Variants in PTPN1 observed in about 807,000 individuals in gnomAD.
PTPN1 encodes tyrosine-protein phosphatase non-receptor type 1.
PTPN1 carries 12 observed loss-of-function variants against 59.9 expected under a neutral mutation model. The observed-to-expected ratio is 0.20, with a 90% CI of 0.13 to 0.32. The LOEUF (loss-of-function observed/expected upper bound fraction) is 0.32. Ranked by LOEUF, PTPN1 falls within the 10% of genes least tolerant of loss-of-function variation. The probability of loss-of-function intolerance (pLI) is 1.00; values close to 1 mark genes in which losing one functional copy is unlikely to be tolerated. For missense variants in PTPN1, 356 were observed against 549.2 expected (o/e 0.65, Z 3.52); for synonymous variants, 178 against 203.6 (o/e 0.87, Z 1.07).
At chr20:50,547,635 T>G (rs2082681655) in intron 1 of PTPN1, among the ~76,000 whole-genome samples, 1 of 152,220 alleles carries the variant, frequency 6.6e-6, no homozygotes, top group African/African-American at 2.4e-5. Context: ...GTGCTGGGAT[T>G]ACAGGCGTGA....
chr20:50,566,610 A>G (rs1318116774), intron 3 of PTPN1, among the ~76,000 whole-genome samples: 1 of 149,676 alleles, frequency 6.7e-6, no homozygotes, highest in Non-Finnish European at 1.5e-5. Flanking sequence ...CACCCTTCCC[A>G]TTTTTTTTTC....
At position 50,568,081 on chromosome 20, in the gene PTPN1, C is replaced by T. The variant is rs1045723827; in HGVS notation, c.256-299C>T. 1.3e-5 allele frequency among the ~76,000 whole-genome samples: 2 copies of T among 152,366 alleles called. No individual in the cohort carries two copies. Among genetic ancestry groups the T allele is most frequent in the Non-Finnish European group, 2.9e-5 (2 of 68,036 alleles). On this transcript the variant is annotated intron_variant, in intron 3 of 9. Coordinates refer to ENST00000371621, the MANE Select transcript of PTPN1 (RefSeq NM_002827.4). The surrounding 1 kb of genome is among the most constrained non-coding windows in gnomAD (Gnocchi z 5.6). ...GCCCAAGGGCCTTGGGGACGAATCTCAGTGGAGGCCCTTAGCGGGCCTGCC... is the reference window on the plus strand; with the variant it reads ...GCCCAAGGGCCTTGGGGACGAATCTTAGTGGAGGCCCTTAGCGGGCCTGCC...
In PTPN1 at chr20:50,510,456, G is replaced by A; in HGVS notation, c.-72G>A. On this transcript the variant is annotated 5_prime_UTR_variant, in exon 1 of 10. Transcript: ENST00000371621. Reference sequence around the variant, plus strand: ...ATTGCAGCGGGCCTCGGGGCTAAGAGCGCGACGCGGCCTAGAGCGGCAGAC... The same window carrying A: ...ATTGCAGCGGGCCTCGGGGCTAAGAACGCGACGCGGCCTAGAGCGGCAGAC... 2 of 1,512,332 alleles carry A rather than the reference G, an allele frequency of 1.3e-6. No homozygotes were observed. Among genetic ancestry groups the A allele is most frequent in the African/African-American group, 1.4e-5 (1 of 71,460 alleles). 93.7% of individuals were successfully genotyped at this position (1,512,332 alleles called of 1,614,324 possible).
Position 50,582,761 on chromosome 20 carries a change from C to T in PTPN1, c.*46C>T, listed in dbSNP as rs778181319. 1.3e-5 allele frequency: 21 copies of T among 1,610,332 alleles called. No homozygotes were observed. The highest frequency in any genetic ancestry group is 8.0e-5 in the African/African-American group (6 of 74,856). On this transcript the variant is annotated 3_prime_UTR_variant, in exon 10 of 10. Coordinates refer to ENST00000371621, the MANE Select transcript of PTPN1 (RefSeq NM_002827.4). The surrounding 1 kb of genome is among the most constrained non-coding windows in gnomAD (Gnocchi z 4.2). The stretch of plus-strand genomic sequence containing the variant: ...CCTCCACCCACTGTCCGCCTCTGCC[C>T]GCAGAGCCCACGCCCGACTAGCAGG...
intron 1 of PTPN1, among the ~76,000 whole-genome samples, chr20:50,518,462 TAGTC>T (rs775756675): frequency 2.6e-5 from 4 of 152,342 alleles, no homozygotes; most frequent in Non-Finnish European, 5.9e-5. Context: ...ACTTTTCAAA[TAGTC>T]AGGGCTTAGT....
At chr20:50,532,270 A>T (rs1489056460) in intron 1 of PTPN1, among the ~76,000 whole-genome samples, 1 of 152,216 alleles carries the variant, frequency 6.6e-6, no homozygotes, top group African/African-American at 2.4e-5. Context: ...TTTGGGTAAA[A>T]GCCATGGCTA....
intron 5 of PTPN1, chr20:50,574,871 CAG>C (rs2082828407): frequency 6.3e-6 from 3 of 475,000 alleles, no homozygotes; most frequent in Non-Finnish European, 3.7e-6. Flanking sequence ...CCTTTAACAA[CAG>C]TTAACACCAG....
chr20:50,580,222 C>A (rs718052), intron 8 of PTPN1, among the ~76,000 whole-genome samples: 196 of 152,310 alleles, frequency 1.3e-3, no homozygotes, highest in African/African-American at 4.4e-3. Context: ...TTCTGCCCCC[C>A]CTGACGACAG....
At position 50,582,925 on chromosome 20, in the gene PTPN1, G is replaced by A; in HGVS notation, c.*210G>A. 2 of 609,652 alleles carry A rather than the reference G, an allele frequency of 3.3e-6. No individual in the cohort carries two copies. Among genetic ancestry groups the A allele is most frequent in the East Asian group, 2.8e-5 (1 of 36,140 alleles). 37.8% of individuals were successfully genotyped at this position (609,652 alleles called of 1,614,324 possible). On this transcript the variant is annotated 3_prime_UTR_variant, in exon 10 of 10. Coordinates refer to ENST00000371621, the MANE Select transcript of PTPN1 (RefSeq NM_002827.4). The surrounding 1 kb of genome is among the most constrained non-coding windows in gnomAD (Gnocchi z 4.2). ...TTACTTTTTGCCCCTTCCACTTTGA[G>A]TACCAAATCCACAAGCCATTTTTTG...
At chr20:50,570,912 A>C (rs1442108609) in intron 4 of PTPN1, 1 of 152,246 alleles carries the variant, frequency 6.6e-6, no homozygotes. Flanking sequence ...CCACCGCTCT[A>C]GATGGTATTG....
rs2082882114 is a variant in PTPN1 at position 50,583,785 on chromosome 20, C to T, written c.*1070C>T. The T allele has an allele frequency of 1.3e-5, 2 of 152,662 alleles. No individual in the cohort carries two copies. Among genetic ancestry groups the T allele is most frequent in the Non-Finnish European group, 2.9e-5 (2 of 68,054 alleles). 9.5% of individuals were successfully genotyped at this position (152,662 alleles called of 1,614,324 possible). A position where few individuals can be genotyped will look rare whatever the true frequency, so the allele number is the denominator to read the frequency against. ...CAGCAGGGTCTTGCTGTAACTCAGA[C>T]ATTCCAAGGGTATGGGAAGCCATAT... On this transcript the variant is annotated 3_prime_UTR_variant, in exon 10 of 10. Transcript: ENST00000371621.
At chr20:50,532,594 A>G (rs2082606173) in intron 1 of PTPN1, among the ~76,000 whole-genome samples, 1 of 152,226 alleles carries the variant, frequency 6.6e-6, no homozygotes, top group African/African-American at 2.4e-5. Flanking sequence ...TACCTGCAGT[A>G]TTCCAATTAA....
At chr20:50,525,524 A>G (rs1052018632) in intron 1 of PTPN1, among the ~76,000 whole-genome samples, 1 of 152,230 alleles carries the variant, frequency 6.6e-6, no homozygotes, top group African/African-American at 2.4e-5. Flanking sequence ...GCTGTCTGCA[A>G]ACCACTGAAA....
chr20:50,580,453 A>G (rs1019449879), intron 8 of PTPN1, among the ~76,000 whole-genome samples: 3 of 152,202 alleles, frequency 2.0e-5, no homozygotes, highest in African/African-American at 4.8e-5. Flanking sequence ...GTTCTAGACC[A>G]TCTTGCTGGG....
chr20:50,559,580 T>G (rs1182140256), intron 1 of PTPN1, among the ~76,000 whole-genome samples: 1 of 152,218 alleles, frequency 6.6e-6, no homozygotes, highest in Non-Finnish European at 1.5e-5. Context: ...GAGGTTTTCT[T>G]GAATTACTTC....
chr20:50,512,951 A>G (rs1221576236), intron 1 of PTPN1, among the ~76,000 whole-genome samples: 2 of 152,252 alleles, frequency 1.3e-5, no homozygotes, highest in East Asian at 1.9e-4. Context: ...TGCCTAGCCT[A>G]TTGTGATCAG....
intron 4 of PTPN1, among the ~76,000 whole-genome samples, chr20:50,570,065 G>T (rs887649723): frequency 6.6e-6 from 1 of 152,250 alleles, no homozygotes; most frequent in Non-Finnish European, 1.5e-5. Flanking sequence ...TCCGGCCACA[G>T]AAGAAGGTGA....
intron 1 of PTPN1, among the ~76,000 whole-genome samples, chr20:50,534,420 T>C (rs1468496324): frequency 6.6e-6 from 1 of 152,238 alleles, no homozygotes; most frequent in Non-Finnish European, 1.5e-5. Flanking sequence ...TAGAAGTCAG[T>C]AACCATAAGA....
chr20:50,526,047 GTGAAAA>G (rs2082573750), intron 1 of PTPN1, among the ~76,000 whole-genome samples: 1 of 152,134 alleles, frequency 6.6e-6, no homozygotes, highest in South Asian at 2.1e-4. Flanking sequence ...GCGGAGGAGA[GTGAAAA>G]TGCCTGAGGG....
Sources: allele counts gnomAD v4.1 joint callset (sites outside exome capture counted in the v4.1 genomes callset), GRCh38; gene constraint gnomAD v4.1.1; non-coding constraint Gnocchi (gnomAD v3.1); transcripts MANE v1.5; gene names NCBI Gene and HGNC (gene_info 2026-07-23, HGNC 2026-07-21).